The following ARID2 variants were observed in gnomAD, a reference collection of about 807,000 sequenced individuals.
ARID2 encodes AT-rich interaction domain 2.
A neutral mutation model predicts 184.6 loss-of-function variants in ARID2; 32 were observed. That is an observed-to-expected ratio of 0.17 (90% CI 0.13 to 0.23). The LOEUF (loss-of-function observed/expected upper bound fraction) is 0.23, where lower values mean the gene tolerates loss of function less well. Ranked by LOEUF, ARID2 falls within the 10% of genes least tolerant of loss-of-function variation. ARID2 has a pLI of 1.00. For missense variants in ARID2, 1,696 were observed against 2,197.6 expected (o/e 0.77, Z 4.56); for synonymous variants, 836 against 772.6 (o/e 1.08, Z -1.36).
chr12:45,855,956 A>G (rs996429456), intron 15 of ARID2, among the ~76,000 whole-genome samples: 2 of 151,796 alleles, frequency 1.3e-5, no homozygotes, highest in Non-Finnish European at 2.9e-5. Context: ...TTAAACTCCT[A>G]GCAGACTTGA....
chr12:45,748,014 T>C (rs550297581), intron 3 of ARID2, among the ~76,000 whole-genome samples: 35 of 152,090 alleles, frequency 2.3e-4, no homozygotes, highest in Non-Finnish European at 4.4e-4. Flanking sequence ...CACAGACAAG[T>C]TATGTTTATA....
chr12:45,880,515 A>T (rs1415062896), intron 16 of ARID2, among the ~76,000 whole-genome samples: 3 of 152,102 alleles, frequency 2.0e-5, no homozygotes, highest in Non-Finnish European at 4.4e-5. Context: ...AGCCAGAATA[A>T]TTTTTTTGTT....
At chr12:45,902,845 T>C (rs1451442024) in intron 20 of ARID2, among the ~76,000 whole-genome samples, 1 of 152,222 alleles carries the variant, frequency 6.6e-6, no homozygotes, top group Admixed American at 6.5e-5. Flanking sequence ...GTACAACTAA[T>C]TTTTCTTTTC....
chr12:45,881,852 G>C, intron 16 of ARID2: 1 of 224,414 alleles, frequency 4.5e-6, no homozygotes. Context: ...TGAACTTCTC[G>C]CCAACTCTGG....
intron 3 of ARID2, among the ~76,000 whole-genome samples, chr12:45,768,717 G>T (rs1941816147): frequency 6.6e-6 from 1 of 152,136 alleles, no homozygotes; most frequent in Non-Finnish European, 1.5e-5. Context: ...GAAGAGCTGG[G>T]AGGAGTCTTT....
rs1004889222 is a variant in ARID2 at position 45,797,317 on chromosome 12, C to A, written c.285-14101C>A. The stretch of plus-strand genomic sequence containing the variant: ...TGGCGTGATCTCGGCTCACTGCAAC[C>A]TCTGCCTCCTGGATTCAAGTGATTC... On this transcript the variant is annotated intron_variant, in intron 3 of 20. Transcript: ENST00000334344. Among the ~76,000 whole-genome samples, 13 of 152,286 alleles carry A rather than the reference C, an allele frequency of 8.5e-5. No homozygotes were observed. The East Asian group carries it at 2.5e-3, about 29-fold the overall frequency.
At chr12:45,881,235 T>C in intron 16 of ARID2, 1 of 155,544 alleles carries the variant, frequency 6.4e-6, no homozygotes, top group Non-Finnish European at 1.4e-5. Flanking sequence ...CCAAACTGGG[T>C]TACTGTCCAC....
rs1281116385 is a variant in ARID2 at position 45,837,612 on chromosome 12, T to C, written c.1235T>C (p.Val412Ala). 6.2e-7 allele frequency: 1 copy of C among 1,614,122 alleles called. No individual in the cohort carries two copies. The highest frequency in any genetic ancestry group is 1.1e-5 in the South Asian group (1 of 91,076). The part of the protein sequence containing the change: ...EIICHLTLPD[V>A]LLVISTLEVL... ...ATTTGTCATCTCACTTTACCTGATG[T>C]GCTGCTTGTAATCTCAACACTCGAG... Residue 412 changes from valine (V) to alanine (A), a missense_variant, in exon 10 of 21, where the codon GTG becomes GCG. Transcript: ENST00000334344.
chr12:45,839,636 A>G, intron 11 of ARID2, 140 bp downstream of exon 11: 1 of 883,076 alleles, frequency 1.1e-6, no homozygotes, highest in Non-Finnish European at 1.7e-6. Flanking sequence ...TATGTACTCT[A>G]ATTTCTTAGA....
At chr12:45,811,131 C>A (rs185116704) in intron 3 of ARID2, among the ~76,000 whole-genome samples, 2 of 151,794 alleles carry the variant, frequency 1.3e-5, no homozygotes, top group Non-Finnish European at 2.9e-5. Flanking sequence ...ATGGCGTGAT[C>A]CCTGGAGGCG....
At chr12:45,737,160 GA>G (rs1941144431) in intron 3 of ARID2, among the ~76,000 whole-genome samples, 2 of 152,158 alleles carry the variant, frequency 1.3e-5, no homozygotes, top group Non-Finnish European at 2.9e-5. Flanking sequence ...TGCTGGAATG[GA>G]AGTCTCTTAG....
At chr12:45,875,741 A>G (rs1943999495) in intron 16 of ARID2, among the ~76,000 whole-genome samples, 2 of 152,196 alleles carry the variant, frequency 1.3e-5, no homozygotes, top group Admixed American at 1.3e-4. Context: ...CTTAAACCTC[A>G]TGAAGCAACC....
intron 16 of ARID2, 136 bp downstream of exon 16, chr12:45,861,085 A>G (rs1943738612): frequency 1.4e-6 from 1 of 726,592 alleles, no homozygotes; most frequent in Non-Finnish European, 2.0e-6. Flanking sequence ...CAAGAGTTAT[A>G]TTTATGATCC....
chr12:45,736,406 T>A (rs949926594), intron 3 of ARID2, among the ~76,000 whole-genome samples: 11 of 151,706 alleles, frequency 7.3e-5, no homozygotes, highest in Non-Finnish European at 1.5e-5. Flanking sequence ...ATTCTCAAAC[T>A]GAATGAAATT....
intron 16 of ARID2, among the ~76,000 whole-genome samples, chr12:45,863,562 C>T (rs948315459): frequency 2.6e-5 from 4 of 151,782 alleles, no homozygotes; most frequent in Non-Finnish European, 2.9e-5. Flanking sequence ...ACTCCAGCCT[C>T]GGTTATAAAG....
chr12:45,763,332 T>G (rs1160114770), intron 3 of ARID2, among the ~76,000 whole-genome samples: 2 of 151,834 alleles, frequency 1.3e-5, no homozygotes, highest in Non-Finnish European at 2.9e-5. Context: ...TAGCCGGGCG[T>G]GGAGGCAGGC....
chr12:45,733,998 C>T (rs1461502041), intron 3 of ARID2, among the ~76,000 whole-genome samples: 1 of 152,142 alleles, frequency 6.6e-6, no homozygotes, highest in Non-Finnish European at 1.5e-5. Flanking sequence ...GAAATATATA[C>T]ACGTACTGTG....
At chr12:45,821,268 TATC>T (rs1376922235) in intron 5 of ARID2, 149 bp from the exon 6 acceptor site, 2 of 413,224 alleles carry the variant, frequency 4.8e-6, no homozygotes, top group Non-Finnish European at 8.6e-6. Context: ...CAAAAGAAAT[TATC>T]ATGACTATCA....
chr12:45,901,148 T>A, intron 20 of ARID2, among the ~76,000 whole-genome samples: 1 of 144,958 alleles, frequency 6.9e-6, no homozygotes, highest in Non-Finnish European at 1.5e-5. Flanking sequence ...TTTGGAAATT[T>A]CCTTAATTTT....
Sources: gnomAD v4.1 joint callset for allele counts (sites outside exome capture counted in the v4.1 genomes callset) on GRCh38, gnomAD v4.1.1 for gene constraint, MANE v1.5 for transcripts, NCBI Gene and HGNC (gene_info 2026-07-23, HGNC 2026-07-21) for gene names.